The following PHF24 variants were observed in gnomAD, a reference collection of about 807,000 sequenced individuals.
PHF24 encodes the protein PHD finger protein 24.
A neutral mutation model predicts 42.6 loss-of-function variants in PHF24; 25 were observed. The observed-to-expected ratio is 0.59, with a 90% CI of 0.43 to 0.82. PHF24 has a LOEUF of 0.82. Ranked by LOEUF, PHF24 falls within the 40% of genes least tolerant of loss-of-function variation. The pLI, the probability that PHF24 is intolerant of heterozygous loss-of-function variation, is 0.00. For synonymous variants in PHF24, 185 were observed against 204.8 expected, an observed-to-expected ratio of 0.90 and a Z score of 0.83; for missense variants, 470 against 538.1, an observed-to-expected ratio of 0.87 and a Z score of 1.25.
At chr9:34,698,422 C>A in the PHF24 span, among the ~76,000 whole-genome samples, 2 of 92,262 alleles carry the variant, frequency 2.2e-5, no homozygotes, top group African/African-American at 5.6e-5. Context: ...TGTACTACTG[C>A]AAAATGTACT....
chr9:34,972,160 A>T (rs1827014279), intron 2 of PHF24, among the ~76,000 whole-genome samples, 186 bp from the exon 3 acceptor site: 1 of 152,234 alleles, frequency 6.6e-6, no homozygotes, highest in Non-Finnish European at 1.5e-5. Flanking sequence ...AGACATGAGC[A>T]GCTGGAAGGA....
exon 8 of PHF24, chr9:34,979,064 T>C (rs940889395): frequency 2.0e-5 from 3 of 151,844 alleles, no homozygotes; most frequent in African/African-American, 7.3e-5. Flanking sequence ...GAGAGCACAC[T>C]CTGGAGGAAG....
the PHF24 span, among the ~76,000 whole-genome samples, chr9:34,819,829 A>G: frequency 3.3e-4 from 50 of 152,156 alleles, no homozygotes; most frequent in Non-Finnish European, 1.2e-4. Flanking sequence ...GCTTCCAAGT[A>G]TTGTTCAAAT....
chr9:34,690,675 G>C, the PHF24 span, among the ~76,000 whole-genome samples: 1 of 152,152 alleles, frequency 6.6e-6, no homozygotes, highest in Non-Finnish European at 1.5e-5. Flanking sequence ...AGTTAATGCA[G>C]GTCACAGTGT....
chr9:34,808,484 A>G, the PHF24 span, among the ~76,000 whole-genome samples: 6 of 152,162 alleles, frequency 3.9e-5, no homozygotes, highest in African/African-American at 1.4e-4. Flanking sequence ...ATAGCAAAAT[A>G]TAGTATTGCC....
the PHF24 span, among the ~76,000 whole-genome samples, chr9:34,766,068 C>A: frequency 2.0e-5 from 3 of 152,158 alleles, no homozygotes; most frequent in African/African-American, 7.2e-5. Flanking sequence ...GCTGAGAGAT[C>A]CGCTGTTAGT....
chr9:34,826,072 G>C, the PHF24 span, among the ~76,000 whole-genome samples: 58 of 152,234 alleles, frequency 3.8e-4, 1 homozygote, highest in South Asian at 0.011. Flanking sequence ...AGGCAGGAAA[G>C]GGGGGTAGTT....
At chr9:34,832,595 G>A in the PHF24 span, 2 of 1,543,774 alleles carry the variant, frequency 1.3e-6, no homozygotes, top group Non-Finnish European at 1.8e-6. Flanking sequence ...CAGTGGCAGA[G>A]AACATGGAAT....
chr9:34,677,389 G>GTTTTT, the PHF24 span, among the ~76,000 whole-genome samples: 121 of 79,764 alleles, frequency 1.5e-3, 1 homozygote, highest in African/African-American at 3.3e-3. Flanking sequence ...TTTGTAAACT[G>GTTTTT]TTTTTTTTTT....
chr9:34,683,383 C>G, the PHF24 span, among the ~76,000 whole-genome samples: 1 of 152,194 alleles, frequency 6.6e-6, no homozygotes, highest in Non-Finnish European at 1.5e-5. Flanking sequence ...TTCAAAACAA[C>G]TTGGAGGCTA....
the PHF24 span, among the ~76,000 whole-genome samples, chr9:34,929,890 C>T: frequency 2.3e-4 from 35 of 152,186 alleles, no homozygotes; most frequent in African/African-American, 8.2e-4. Context: ...CTTTAGTCCC[C>T]TGAAGAAGCT....
the PHF24 span, among the ~76,000 whole-genome samples, chr9:34,790,398 T>C: frequency 6.6e-6 from 1 of 152,354 alleles, no homozygotes; most frequent in African/African-American, 2.4e-5. Context: ...TTTCTCTTCA[T>C]AGCCTTCTCT....
the PHF24 span, among the ~76,000 whole-genome samples, chr9:34,875,950 A>ACTCTCT: frequency 3.8e-5 from 3 of 78,746 alleles, no homozygotes; most frequent in East Asian, 4.2e-4. Flanking sequence ...ACACACACAC[A>ACTCTCT]CTCTCTCTCT....
the PHF24 span, among the ~76,000 whole-genome samples, chr9:34,710,495 G>A: frequency 1.3e-5 from 2 of 148,228 alleles, no homozygotes; most frequent in Non-Finnish European, 3.0e-5. Context: ...TTGAGACAGG[G>A]TCTAACTCTG....
chr9:34,871,171 A>G, the PHF24 span, among the ~76,000 whole-genome samples: 24 of 152,238 alleles, frequency 1.6e-4, no homozygotes, highest in African/African-American at 5.5e-4. Flanking sequence ...TTGTTGTTTT[A>G]ATTTGCAGTT....
chr9:34,824,597 G>T, the PHF24 span, among the ~76,000 whole-genome samples: 1 of 152,154 alleles, frequency 6.6e-6, no homozygotes, highest in Admixed American at 6.6e-5. Flanking sequence ...TGAGGAAGGT[G>T]TTAGGGTTGG....
At chr9:34,843,393 A>G in the PHF24 span, among the ~76,000 whole-genome samples, 2 of 152,208 alleles carry the variant, frequency 1.3e-5, no homozygotes, top group African/African-American at 2.4e-5. Flanking sequence ...TTAAAAAAAT[A>G]TCAAGTGACC....
At chr9:34,822,009 T>A in the PHF24 span, among the ~76,000 whole-genome samples, 1 of 152,232 alleles carries the variant, frequency 6.6e-6, no homozygotes, top group Non-Finnish European at 1.5e-5. Flanking sequence ...AATCTTCAAG[T>A]AGTATTATTC....
At chr9:34,673,861 T>C in the PHF24 span, among the ~76,000 whole-genome samples, 1 of 152,132 alleles carries the variant, frequency 6.6e-6, no homozygotes, top group African/African-American at 2.4e-5. Context: ...GACCTTGTGA[T>C]CTGCCTGCCT....
Sources: gnomAD v4.1 joint callset for allele counts (sites outside exome capture counted in the v4.1 genomes callset) on GRCh38, gnomAD v4.1.1 for gene constraint, MANE v1.5 for transcripts, NCBI Gene and HGNC (gene_info 2026-07-23, HGNC 2026-07-21) for gene names.